Variants in TAB2 observed in about 807,000 individuals in gnomAD.
TAB2 encodes TGF-beta activated kinase 1 (MAP3K7) binding protein 2, also known as TGF-beta-activated kinase 1 and MAP3K7-binding protein 2.
Under a neutral mutation model 65.0 loss-of-function variants are expected in TAB2, and 3 were observed. That is an observed-to-expected ratio of 0.05 (90% confidence interval 0.02 to 0.12). The LOEUF is 0.12. Among genes scored for constraint, TAB2 ranks in the 10% least tolerant of loss-of-function variants. The pLI is 1.00. For missense variants in TAB2, 623 were observed against 840.3 expected, an observed-to-expected ratio of 0.74 and a Z score of 3.20; for synonymous variants, 298 against 285.1, an observed-to-expected ratio of 1.05 and a Z score of -0.46.
At chr6:149,221,514 T>C (rs1172203725) in intron 1 of TAB2, among the ~76,000 whole-genome samples, 1 of 152,216 alleles carries the variant, frequency 6.6e-6, no homozygotes, top group Non-Finnish European at 1.5e-5. Context: ...TTTGACCTCA[T>C]GGCTCCCCTT....
intron 1 of TAB2, among the ~76,000 whole-genome samples, chr6:149,274,632 G>C (rs1401258518): frequency 6.6e-6 from 1 of 152,180 alleles, no homozygotes; most frequent in Non-Finnish European, 1.5e-5. Context: ...TGTCCTGGAG[G>C]AAAAGGTCCT....
At chr6:149,309,450 G>T (rs1214689426) in intron 1 of TAB2, among the ~76,000 whole-genome samples, 1 of 148,320 alleles carries the variant, frequency 6.7e-6, no homozygotes, top group Non-Finnish European at 1.5e-5. Context: ...AGGCTGGAGT[G>T]CAGTGGCACA....
intron 1 of TAB2, among the ~76,000 whole-genome samples, chr6:149,338,526 A>G (rs963844830): frequency 3.9e-5 from 6 of 152,240 alleles, no homozygotes; most frequent in Non-Finnish European, 8.8e-5. Context: ...ACAAAAATGG[A>G]AAGTTGAGGA....
intron 3 of TAB2, among the ~76,000 whole-genome samples, chr6:149,388,757 G>T (rs1037440827): frequency 6.6e-6 from 1 of 151,838 alleles, no homozygotes; most frequent in Admixed American, 6.6e-5. Flanking sequence ...TTATGAACTT[G>T]CCTATTTCTG....
chr6:149,392,514 C>G (rs917125421), intron 3 of TAB2, among the ~76,000 whole-genome samples: 1 of 152,174 alleles, frequency 6.6e-6, no homozygotes, highest in Non-Finnish European at 1.5e-5. Context: ...TGTTCTGGCC[C>G]TTTCCTAACT....
chr6:149,409,565 T>A lies in TAB2; in HGVS notation c.1940-12T>A. The A allele has an allele frequency of 6.2e-7, 1 of 1,611,110 alleles. No individual in the cohort carries two copies. The highest frequency in any genetic ancestry group is 8.5e-7 in the Non-Finnish European group (1 of 1,177,942). ...TTTTTTACTTATAAAATAATTTTTT[T>A]CTTTCTTACAGATCAAAGGTCCATC... On this transcript the variant is annotated splice_polypyrimidine_tract_variant and intron_variant, in intron 6 of 6. Transcript: ENST00000637181.
chr6:149,346,876 G>A (rs1363922111), intron 1 of TAB2, among the ~76,000 whole-genome samples: 1 of 152,108 alleles, frequency 6.6e-6, no homozygotes, highest in Admixed American at 6.6e-5. Flanking sequence ...TTTATGGTTG[G>A]TGTAAGATGA....
intron 1 of TAB2, chr6:149,257,584 C>T (rs1384102828): frequency 6.6e-6 from 1 of 152,130 alleles, no homozygotes; most frequent in Non-Finnish European, 1.5e-5. Context: ...CCATGAACCC[C>T]TGGCCTCAGA....
At chr6:149,399,614 A>G (rs908312590) in intron 6 of TAB2, among the ~76,000 whole-genome samples, 4 of 151,406 alleles carry the variant, frequency 2.6e-5, no homozygotes, top group Non-Finnish European at 5.9e-5. Flanking sequence ...ATAGTTTTCT[A>G]CCTTCTATCA....
upstream of TAB2, among the ~76,000 whole-genome samples, chr6:149,315,021 CCTAA>C (rs780060170): frequency 1.8e-4 from 28 of 152,190 alleles, no homozygotes; most frequent in East Asian, 3.9e-4. Flanking sequence ...CACAAAGACT[CCTAA>C]CTATTTTTGT....
At chr6:149,302,654 A>G (rs1037548917) in intron 1 of TAB2, among the ~76,000 whole-genome samples, 5 of 152,196 alleles carry the variant, frequency 3.3e-5, no homozygotes, top group African/African-American at 1.2e-4. Flanking sequence ...GTACTCCTCA[A>G]GGTCTTGCTG....
Position 149,369,859 on chromosome 6 carries a change from A to G in TAB2, c.-89-50A>G, listed in dbSNP as rs940196373. ...ACTGAAATTTTAAATCCACAACAAT[A>G]TTCCTTCTATAATCAGTTCTCATTA... On this transcript the variant is annotated intron_variant, in intron 1 of 6. Transcript: ENST00000637181. 2.2e-5 allele frequency: 15 copies of G among 696,004 alleles called. No individual in the cohort carries two copies. In the East Asian group the frequency reaches 3.2e-4, roughly 15 times the overall value. The allele number at this position is 696,004 out of a possible 1,614,324, so 43.1% of individuals were successfully genotyped here.
intron 6 of TAB2, among the ~76,000 whole-genome samples, chr6:149,403,964 C>G (rs1782574076): frequency 6.6e-6 from 1 of 152,058 alleles, no homozygotes; most frequent in African/African-American, 2.4e-5. Flanking sequence ...GACAAACATC[C>G]AAACTATATC....
chr6:149,313,849 G>C (rs145595867), upstream of TAB2, among the ~76,000 whole-genome samples: 1 of 152,316 alleles, frequency 6.6e-6, no homozygotes, highest in East Asian at 1.9e-4. Flanking sequence ...CAGTCAGGAG[G>C]TGTGGGGAGC....
intron 1 of TAB2, among the ~76,000 whole-genome samples, chr6:149,259,374 TACAC>T (rs1160557383): frequency 2.2e-5 from 2 of 92,242 alleles, no homozygotes; most frequent in Non-Finnish European, 4.4e-5. Flanking sequence ...CACACACACA[TACAC>T]ACAATCTGGG....
upstream of TAB2, among the ~76,000 whole-genome samples, chr6:149,315,525 T>G (rs144619531): frequency 1.6e-3 from 247 of 152,350 alleles, 1 homozygote; most frequent in African/African-American, 4.9e-3. Context: ...TTCAGGAAAT[T>G]TAACATTGAT....
chr6:149,344,150 A>G (rs1011629010), intron 1 of TAB2, among the ~76,000 whole-genome samples: 1 of 152,244 alleles, frequency 6.6e-6, no homozygotes, highest in African/African-American at 2.4e-5. Flanking sequence ...AGAGCTGGAA[A>G]GGGAGCTACT....
chr6:149,379,353 G>A lies in TAB2; in HGVS notation c.1438G>A (p.Val480Met). Reference protein sequence around the residue: ...PNKPPAVSPGVVSPTFELTNL... With the variant: ...PNKPPAVSPGMVSPTFELTNL... ...TAAGCCCCCTGCAGTTTCACCAGGG[G>A]TGGTGTCCCCTACCTTTGAACTTAC... The change falls in exon 3 of 7, where the codon GTG (valine) becomes ATG (methionine). Residue 480 changes from valine to methionine, a missense_variant. This residue lies in a region of TAB2 where 550 missense variants were observed against 665.7 expected (regional missense o/e 0.83). Coordinates refer to ENST00000637181, the MANE Select transcript of TAB2 (RefSeq NM_001292034.3). 1 of 1,614,182 alleles carries A rather than the reference G, an allele frequency of 6.2e-7. No homozygotes were observed. The highest frequency in any genetic ancestry group is 8.5e-7 in the Non-Finnish European group (1 of 1,180,044).
At chr6:149,400,219 A>T in intron 6 of TAB2, 1 of 667,376 alleles carries the variant, frequency 1.5e-6, no homozygotes, top group Non-Finnish European at 2.5e-6. Flanking sequence ...AGGCCCCAAC[A>T]GCTCGTGCTG....
Sources: gnomAD v4.1 joint callset for allele counts (sites outside exome capture counted in the v4.1 genomes callset) on GRCh38, gnomAD v4.1.1 for gene constraint, gnomAD v4.1.1 regional missense constraint, MANE v1.5 for transcripts, NCBI Gene and HGNC (gene_info 2026-07-23, HGNC 2026-07-21) for gene names.